The following SLC44A2 variants were observed in gnomAD, a reference collection of about 807,000 sequenced individuals.
SLC44A2 encodes the protein solute carrier family 44 member 2 (CTL2 blood group).
A neutral mutation model predicts 90.8 loss-of-function variants in SLC44A2; 57 were observed. That is an observed-to-expected ratio of 0.63 (90% CI 0.51 to 0.78). SLC44A2 has a LOEUF of 0.78. Ranked by LOEUF, SLC44A2 falls within the 30% of genes least tolerant of loss-of-function variation. The pLI is 0.00. For synonymous variants in SLC44A2, 355 were observed against 360.7 expected (o/e 0.98, Z 0.18); for missense variants, 794 against 919.7 (o/e 0.86, Z 1.77).
At chr19:10,629,126 C>T (rs2066965797) in intron 4 of SLC44A2, among the ~76,000 whole-genome samples, 1 of 150,606 alleles carries the variant, frequency 6.6e-6, no homozygotes, top group South Asian at 2.1e-4. Context: ...ATTGCTTGAA[C>T]CTGGGAGGCA....
chr19:10,616,701 C>T (rs1249401885), intron 1 of SLC44A2, among the ~76,000 whole-genome samples: 2 of 151,872 alleles, frequency 1.3e-5, no homozygotes, highest in African/African-American at 4.8e-5. Flanking sequence ...CCTGTCTCTA[C>T]TAAAAATACA....
At chr19:10,626,760 T>C (rs985618417) in intron 2 of SLC44A2, among the ~76,000 whole-genome samples, 4 of 151,772 alleles carry the variant, frequency 2.6e-5, no homozygotes, top group Non-Finnish European at 4.4e-5. Context: ...TATTTATTTA[T>C]TTATTTATTT....
intron 1 of SLC44A2, among the ~76,000 whole-genome samples, chr19:10,610,308 T>G (rs1340254351): frequency 6.6e-6 from 1 of 151,260 alleles, no homozygotes; most frequent in Non-Finnish European, 1.5e-5. Context: ...GGTAGAGAAT[T>G]CTCCCTAGAG....
At chr19:10,624,577 G>A (rs1266723880), upstream of SLC44A2, among the ~76,000 whole-genome samples, 1 of 152,266 alleles carries the variant, frequency 6.6e-6, no homozygotes, top group Non-Finnish European at 1.5e-5. Flanking sequence ...ACAGGCATGA[G>A]CCACTGCACC....
At position 10,642,527 on chromosome 19, in the gene SLC44A2, CG is replaced by C; in HGVS notation, c.2014+80del. 2.2e-6 allele frequency: 3 copies of C among 1,357,830 alleles called. No homozygotes were observed. In the South Asian group the frequency reaches 3.5e-5, roughly 16 times the overall value. 84.1% of individuals were successfully genotyped at this position (1,357,830 alleles called of 1,614,324 possible). On this transcript the variant is annotated intron_variant, in intron 21 of 21. Coordinates refer to ENST00000335757, the MANE Select transcript of SLC44A2 (RefSeq NM_020428.4). The stretch of plus-strand genomic sequence containing the variant: ...CACTGGGCATCACATCACCCTCCAA[CG>C]GGGCAACACGCTTGCCTGCCCCCAG...
chr19:10,643,168 G>A, intron 21 of SLC44A2, 111 bp from the exon 22 acceptor site: 1 of 1,468,578 alleles, frequency 6.8e-7, no homozygotes, highest in East Asian at 2.5e-5. Flanking sequence ...CAGTGTGTCT[G>A]CTTTCTAACC....
intron 1 of SLC44A2, among the ~76,000 whole-genome samples, chr19:10,612,605 G>A (rs1918337033): frequency 6.6e-6 from 1 of 152,202 alleles, no homozygotes; most frequent in South Asian, 2.1e-4. Flanking sequence ...TGGCTGTACG[G>A]GTGAGGCCTT....
At chr19:10,608,137 C>T (rs1045612635) in intron 1 of SLC44A2, among the ~76,000 whole-genome samples, 2 of 151,336 alleles carry the variant, frequency 1.3e-5, no homozygotes, top group Non-Finnish European at 2.9e-5. Context: ...GCAGGAGAAT[C>T]GCTTGAACCC....
chr19:10,621,964 G>A (rs2066898071), upstream of SLC44A2, among the ~76,000 whole-genome samples: 2 of 152,198 alleles, frequency 1.3e-5, no homozygotes, highest in South Asian at 4.1e-4. Flanking sequence ...GTTTCACAGT[G>A]TTGCCCAGGC....
At chr19:10,636,109 C>T in intron 14 of SLC44A2, 2 of 590,922 alleles carry the variant, frequency 3.4e-6, no homozygotes, top group Non-Finnish European at 5.8e-6. Context: ...TGTCTCCATG[C>T]CCTCTTCTTG....
At chr19:10,625,929 TC>T (rs1300125201) in intron 1 of SLC44A2, among the ~76,000 whole-genome samples, 1 of 151,888 alleles carries the variant, frequency 6.6e-6, no homozygotes, top group Non-Finnish European at 1.5e-5. Flanking sequence ...GGCGCCTCCT[TC>T]CCCCTATCCC....
intron 21 of SLC44A2, 101 bp downstream of exon 21, chr19:10,642,552 A>G: frequency 2.7e-6 from 3 of 1,119,896 alleles, no homozygotes; most frequent in Non-Finnish European, 4.0e-6. Flanking sequence ...GCCTGCCCCC[A>G]GCTTCCCCAG....
chr19:10,604,115 C>G (rs1026519806), intron 1 of SLC44A2, among the ~76,000 whole-genome samples: 1 of 152,162 alleles, frequency 6.6e-6, no homozygotes, highest in Non-Finnish European at 1.5e-5. Context: ...GGAAACCCAG[C>G]AGTGAATAGA....
chr19:10,610,630 G>GATTTT (rs1918269412), intron 1 of SLC44A2, among the ~76,000 whole-genome samples: 1 of 111,772 alleles, frequency 8.9e-6, no homozygotes, highest in African/African-American at 3.8e-5. Context: ...ACCGCGCCTG[G>GATTTT]CTTTTTTTTT....
upstream of SLC44A2, chr19:10,602,486 T>C: frequency 2.5e-6 from 3 of 1,215,904 alleles, no homozygotes; most frequent in Non-Finnish European, 2.1e-6. Flanking sequence ...CCGCCCGGGC[T>C]GGGGTCGCGC....
At chr19:10,633,540 T>G (rs1209701397) in intron 10 of SLC44A2, among the ~76,000 whole-genome samples, 5 of 151,932 alleles carry the variant, frequency 3.3e-5, no homozygotes, top group African/African-American at 1.2e-4. Flanking sequence ...ACTGCAGCCT[T>G]GACCTCCTGG....
chr19:10,636,583 C>A lies in SLC44A2; in HGVS notation c.1494C>A (p.Leu498=), dbSNP rs1232241523. Residue 498 remains leucine, a splice_region_variant and synonymous_variant, in exon 15 of 22, where the codon CTC becomes CTA. Transcript: ENST00000335757. ...TCTTCTCTGCCTTTGGCCGGGCGCTCAGGTGGGCTGGCGTTGCAGGCAGGA... is the reference window on the plus strand; with the variant it reads ...TCTTCTCTGCCTTTGGCCGGGCGCTAAGGTGGGCTGGCGTTGCAGGCAGGA... ...FPLFSAFGRA[L]RYHTGSLAFG... is the part of the protein sequence containing the mutation. 6.2e-7 allele frequency: 1 copy of A among 1,604,392 alleles called. No homozygotes were observed. Among genetic ancestry groups the A allele is most frequent in the African/African-American group, 1.3e-5 (1 of 74,950 alleles).
intron 1 of SLC44A2, among the ~76,000 whole-genome samples, chr19:10,603,036 T>G (rs1441022857): frequency 6.6e-6 from 1 of 152,052 alleles, no homozygotes; most frequent in East Asian, 1.9e-4. Context: ...AATACCCAGC[T>G]GAGAGCCCAC....
intron 1 of SLC44A2, among the ~76,000 whole-genome samples, chr19:10,602,990 C>T (rs1183171022): frequency 2.0e-5 from 3 of 152,168 alleles, no homozygotes; most frequent in African/African-American, 7.2e-5. Flanking sequence ...GGGCTTTTGG[C>T]CAGATGGGGA....
Sources: allele counts gnomAD v4.1 joint callset (sites outside exome capture counted in the v4.1 genomes callset), GRCh38; gene constraint gnomAD v4.1.1; transcripts MANE v1.5; gene names NCBI Gene and HGNC (gene_info 2026-07-23, HGNC 2026-07-21).